IQSEC1: variants seen among roughly 807,000 people sequenced by gnomAD.
IQSEC1 encodes IQ motif and SEC7 domain-containing protein 1.
In IQSEC1, 31 loss-of-function variants were observed where a neutral mutation model predicts 91.0. The observed-to-expected ratio is 0.34, with a 90% CI of 0.26 to 0.46. The LOEUF (loss-of-function observed/expected upper bound fraction) is 0.46. Among genes scored for constraint, IQSEC1 ranks in the 20% least tolerant of loss-of-function variants. The pLI, the probability that IQSEC1 is intolerant of heterozygous loss-of-function variation, is 1.00. For missense variants in IQSEC1, 1,388 were observed against 1,575.6 expected (o/e 0.88, Z 2.02); for synonymous variants, 699 against 662.6 (o/e 1.05, Z -0.84).
At position 13,117,345 on chromosome 3, in the gene IQSEC1, G is replaced by C. The variant is rs554438492; in HGVS notation, c.302+46759C>G. Among the ~76,000 whole-genome samples the C allele has an allele frequency of 1.4e-4, 21 of 150,722 alleles. No individual in the cohort carries two copies. The East Asian group carries it at 2.3e-3, about 17-fold the overall frequency. Reference sequence around the variant, plus strand: ...CTCACGACTGTAATCCCAGCACTTTGGGAGGCGGAGGCGGGCGGATCACGA... The same window carrying C: ...CTCACGACTGTAATCCCAGCACTTTCGGAGGCGGAGGCGGGCGGATCACGA... On this transcript the variant is annotated intron_variant, in intron 2 of 15. Coordinates refer to the IQSEC1 transcript ENST00000648114.
intron 1 of IQSEC1, among the ~76,000 whole-genome samples, chr3:13,195,601 A>C (rs1205410833): frequency 6.6e-6 from 1 of 152,240 alleles, no homozygotes; most frequent in Non-Finnish European, 1.5e-5. Context: ...ATTTACACAG[A>C]GTGAAGAAAG....
At chr3:13,047,824 C>T (rs1270624997) in intron 1 of IQSEC1, among the ~76,000 whole-genome samples, 1 of 152,168 alleles carries the variant, frequency 6.6e-6, no homozygotes, top group Non-Finnish European at 1.5e-5. Flanking sequence ...GTTAAAGGTC[C>T]TCTCTGGCTG....
intron 9 of IQSEC1, among the ~76,000 whole-genome samples, chr3:12,912,328 C>T (rs991485174): frequency 6.6e-6 from 1 of 152,192 alleles, no homozygotes; most frequent in Non-Finnish European, 1.5e-5. Flanking sequence ...ATGCCAGGCA[C>T]CATGTAAGGT....
At chr3:13,183,204 AACAAACAT>A (rs1693875725) in intron 1 of IQSEC1, among the ~76,000 whole-genome samples, 2 of 150,346 alleles carry the variant, frequency 1.3e-5, no homozygotes, top group South Asian at 4.2e-4. Context: ...CAAACAAACA[AACAAACAT>A]AAATAAATAA....
At chr3:13,221,612 A>C (rs1025298085) in intron 1 of IQSEC1, among the ~76,000 whole-genome samples, 1 of 150,004 alleles carries the variant, frequency 6.7e-6, no homozygotes, top group African/African-American at 2.5e-5. Context: ...CAGACACTGC[A>C]GGTCTCCCAG....
chr3:13,218,254 G>A (rs866721542), intron 1 of IQSEC1, among the ~76,000 whole-genome samples: 10 of 152,198 alleles, frequency 6.6e-5, no homozygotes, highest in Non-Finnish European at 5.9e-5. Context: ...GGTGGGGAGC[G>A]GCTGGACCTT....
intron 1 of IQSEC1, among the ~76,000 whole-genome samples, chr3:12,984,815 ATTTTTTTT>A (rs767194681): frequency 1.1e-3 from 113 of 102,244 alleles, no homozygotes; most frequent in African/African-American, 4.7e-3. Flanking sequence ...AAGCAATTAC[ATTTTTTTT>A]TTTTTTTTTT....
intron 1 of IQSEC1, among the ~76,000 whole-genome samples, chr3:12,953,861 A>G (rs530825740): frequency 6.6e-6 from 1 of 152,340 alleles, no homozygotes; most frequent in Admixed American, 6.5e-5. Flanking sequence ...CTACCTGCAC[A>G]GTGGGGGCAA....
chr3:12,959,445 C>T (rs1293439956), intron 1 of IQSEC1, among the ~76,000 whole-genome samples: 1 of 152,194 alleles, frequency 6.6e-6, no homozygotes, highest in Admixed American at 6.5e-5. Context: ...GGAAGAGAAG[C>T]GAGTTCTCCT....
At chr3:13,062,850 C>T (rs1249889684) in intron 1 of IQSEC1, among the ~76,000 whole-genome samples, 2 of 152,148 alleles carry the variant, frequency 1.3e-5, no homozygotes, top group African/African-American at 4.8e-5. Context: ...ATGTCAGGGA[C>T]ATCTTGATGA....
chr3:13,028,986 C>A (rs1394615951), intron 1 of IQSEC1, among the ~76,000 whole-genome samples: 4 of 152,190 alleles, frequency 2.6e-5, no homozygotes, highest in Non-Finnish European at 4.4e-5. Context: ...TTTCTTCATC[C>A]ACAACATGGG....
At chr3:13,183,334 A>C (rs1203550112) in intron 1 of IQSEC1, among the ~76,000 whole-genome samples, 1 of 152,102 alleles carries the variant, frequency 6.6e-6, no homozygotes, top group Non-Finnish European at 1.5e-5. Flanking sequence ...TGGTAATCCC[A>C]GCACTTTGGG....
chr3:13,113,689 A>G (rs1022211013), intron 2 of IQSEC1, among the ~76,000 whole-genome samples: 1 of 152,140 alleles, frequency 6.6e-6, no homozygotes, highest in Admixed American at 6.5e-5. Flanking sequence ...AGCCTCCTAC[A>G]CTGTCGAGAA....
intron 2 of IQSEC1, among the ~76,000 whole-genome samples, chr3:13,113,109 C>T (rs1325391276): frequency 6.6e-6 from 1 of 152,204 alleles, no homozygotes; most frequent in Admixed American, 6.5e-5. Context: ...CTGCCACTAG[C>T]TGCCTTACAG....
At chr3:12,913,148 A>G (rs1359735663) in intron 9 of IQSEC1, among the ~76,000 whole-genome samples, 3 of 152,344 alleles carry the variant, frequency 2.0e-5, no homozygotes, top group South Asian at 2.1e-4. Context: ...TGCCCGAGGA[A>G]GCGTCACACA....
intron 1 of IQSEC1, among the ~76,000 whole-genome samples, chr3:13,166,488 C>T (rs1693498858): frequency 6.6e-6 from 1 of 152,214 alleles, no homozygotes; most frequent in African/African-American, 2.4e-5. Flanking sequence ...TCTCCTGGGT[C>T]CCAGGCCCAG....
In IQSEC1 at chr3:12,940,857, G is replaced by A. The variant is rs1176980904; in HGVS notation, c.318+714C>T. On this transcript the variant is annotated intron_variant, in intron 2 of 13. Transcript: ENST00000613206. This position sits in a 1 kb window ranked among gnomAD's most constrained non-coding sequence, Gnocchi z 4.4. ...AGCGAGAGCTCTTGGCCTCCCCAGG[G>A]ACCGCTCAGGGCCTCGCTCTTTCCT... Among the ~76,000 whole-genome samples, 1 of 152,162 alleles carries A rather than the reference G, an allele frequency of 6.6e-6. No homozygotes were observed. Among genetic ancestry groups the A allele is most frequent in the African/African-American group, 2.4e-5 (1 of 41,446 alleles).
Position 12,913,460 on chromosome 3 carries a change from G to A in IQSEC1, c.2284C>T (p.Arg762Ter). Residue 762 changes from arginine to a stop codon, truncating the protein, a stop_gained, in exon 9 of 14, where the codon CGA becomes TGA. Coordinates refer to ENST00000613206, the MANE Select transcript of IQSEC1 (RefSeq NM_001134382.3). LOFTEE classifies it high-confidence loss of function. ...AGGTCGTTGAACAGGAAGATTTCTCGCTGGTGTAGTCCGAGTTTCTGGGGC... is the reference window on the plus strand; with the variant it reads ...AGGTCGTTGAACAGGAAGATTTCTCACTGGTGTAGTCCGAGTTTCTGGGGC... ...NKPQKLGLHQ[R>*]EIFLFNDLLV... 2 of 1,605,356 alleles carry A rather than the reference G, an allele frequency of 1.2e-6. No homozygotes were observed. Among genetic ancestry groups the A allele is most frequent in the Non-Finnish European group, 1.7e-6 (2 of 1,174,738 alleles).
chr3:13,070,334 A>C (rs2125109957), intron 1 of IQSEC1, among the ~76,000 whole-genome samples: 1 of 152,350 alleles, frequency 6.6e-6, no homozygotes. Flanking sequence ...ATTTTACAGC[A>C]GTTGGTGAGA....
Sources: allele counts gnomAD v4.1 joint callset (sites outside exome capture counted in the v4.1 genomes callset), GRCh38; gene constraint gnomAD v4.1.1; non-coding constraint Gnocchi (gnomAD v3.1); transcripts MANE v1.5; gene names NCBI Gene and HGNC (gene_info 2026-07-23, HGNC 2026-07-21).